The following TMEM117 variants were observed in gnomAD, a reference collection of about 807,000 sequenced individuals.
TMEM117 encodes the protein transmembrane protein 117.
A neutral mutation model predicts 52.4 loss-of-function variants in TMEM117; 27 were observed. The observed-to-expected ratio is 0.51, with a 90% CI of 0.38 to 0.71. The LOEUF is 0.71. TMEM117 is among the 30% of genes least tolerant of loss of function. The pLI is 0.00. For missense variants in TMEM117, 556 were observed against 630.5 expected (o/e 0.88, Z 1.26); for synonymous variants, 215 against 206.3 (o/e 1.04, Z -0.36).
At chr12:43,839,299 C>T (rs1319127756) in intron 1 of TMEM117, among the ~76,000 whole-genome samples, 1 of 152,166 alleles carries the variant, frequency 6.6e-6, no homozygotes, top group Non-Finnish European at 1.5e-5. Flanking sequence ...CCTCTGCTTC[C>T]TGTCCCACTC....
At chr12:44,344,718 A>T (rs1951461747) in intron 6 of TMEM117, among the ~76,000 whole-genome samples, 1 of 152,128 alleles carries the variant, frequency 6.6e-6, no homozygotes, top group South Asian at 2.1e-4. Flanking sequence ...CTCATCTGTC[A>T]GTAAACTGTT....
intron 5 of TMEM117, among the ~76,000 whole-genome samples, chr12:44,264,716 C>G (rs1365835506): frequency 6.6e-6 from 1 of 151,232 alleles, no homozygotes; most frequent in African/African-American, 2.4e-5. Context: ...ATAAAACCAA[C>G]AGAAAAAGAA....
intron 3 of TMEM117, among the ~76,000 whole-genome samples, chr12:44,113,752 A>G (rs1355466247): frequency 1.6e-4 from 4 of 24,934 alleles, no homozygotes; most frequent in Admixed American, 8.0e-4. Flanking sequence ...CGAGCTTCCC[A>G]GCTGCTTTGT....
intron 3 of TMEM117, among the ~76,000 whole-genome samples, chr12:44,088,117 A>C (rs1422873756): frequency 6.6e-6 from 1 of 152,208 alleles, no homozygotes; most frequent in African/African-American, 2.4e-5. Context: ...TTAAGAGTGA[A>C]AAAGTCAAAT....
At chr12:44,193,502 T>C (rs1949381574) in intron 4 of TMEM117, among the ~76,000 whole-genome samples, 1 of 152,150 alleles carries the variant, frequency 6.6e-6, no homozygotes, top group Admixed American at 6.6e-5. Flanking sequence ...TTTTCACTCA[T>C]GTGAAACAAA....
chr12:44,188,634 T>G (rs1440243242), intron 4 of TMEM117, among the ~76,000 whole-genome samples: 2 of 152,062 alleles, frequency 1.3e-5, no homozygotes, highest in Non-Finnish European at 2.9e-5. Context: ...CTGCTGTCCA[T>G]TTTGCTCAAA....
intron 2 of TMEM117, among the ~76,000 whole-genome samples, chr12:43,920,795 G>T (rs944319884): frequency 6.6e-6 from 1 of 151,996 alleles, no homozygotes; most frequent in Non-Finnish European, 1.5e-5. Context: ...TCCTGTAAAG[G>T]ATAATTCAGA....
upstream of TMEM117, among the ~76,000 whole-genome samples, chr12:43,831,034 A>C (rs889363375): frequency 9.9e-5 from 15 of 152,198 alleles, no homozygotes; most frequent in African/African-American, 3.4e-4. Flanking sequence ...ATATATCAGC[A>C]TGCATTGGGC....
chr12:43,859,206 A>G (rs915708216), intron 2 of TMEM117, among the ~76,000 whole-genome samples: 5 of 152,028 alleles, frequency 3.3e-5, no homozygotes, highest in East Asian at 3.9e-4. Flanking sequence ...TGCCATTACA[A>G]CTCCAGCGGA....
rs12304626 is a variant in TMEM117, at chr12:44,043,578, A to G, written c.410+99236A>G. The stretch of plus-strand genomic sequence containing the variant: ...TCAGCCTTTCCACTTTTGAGGAGAT[A>G]AACCTTGCACTGCCTGAGACAACAG... On this transcript the variant is annotated intron_variant, in intron 3 of 7. Transcript: ENST00000266534. 3.1e-3 allele frequency among the ~76,000 whole-genome samples: 470 copies of G among 152,242 alleles called. 3 individuals are homozygous for G. The highest frequency in any genetic ancestry group is 0.011 in the African/African-American group (445 of 41,528).
the TMEM117 span, chr12:43,804,613 A>G: frequency 1.5e-6 from 2 of 1,359,214 alleles, no homozygotes; most frequent in South Asian, 1.3e-5. Context: ...TTATACTTAC[A>G]TATAAATACT....
At chr12:44,335,685 G>T (rs932470228) in intron 6 of TMEM117, among the ~76,000 whole-genome samples, 2 of 152,000 alleles carry the variant, frequency 1.3e-5, no homozygotes, top group Admixed American at 6.6e-5. Context: ...GACATGTAGA[G>T]ATTTTTGTTG....
chr12:44,251,810 TA>T (rs1186438793), intron 5 of TMEM117, among the ~76,000 whole-genome samples: 2 of 152,122 alleles, frequency 1.3e-5, no homozygotes. Flanking sequence ...CACAAAGAAA[TA>T]AGCAACAAAC....
intron 3 of TMEM117, among the ~76,000 whole-genome samples, chr12:43,994,341 A>C (rs1332955858): frequency 5.3e-5 from 8 of 152,210 alleles, no homozygotes; most frequent in African/African-American, 1.9e-4. Context: ...ATATTTGGTG[A>C]CTATAGAATA....
At chr12:43,885,036 A>C (rs1417458781) in intron 2 of TMEM117, among the ~76,000 whole-genome samples, 1 of 152,056 alleles carries the variant, frequency 6.6e-6, no homozygotes, top group Non-Finnish European at 1.5e-5. Context: ...TTACTTACTA[A>C]TGTCTTGGTA....
chr12:43,800,388 T>C, the TMEM117 span: 1 of 1,436,946 alleles, frequency 7.0e-7, no homozygotes, highest in Non-Finnish European at 9.7e-7. Flanking sequence ...AGTTCCTCTT[T>C]AATCATTTTA....
At chr12:43,835,540 T>G (rs779469280), upstream of TMEM117, among the ~76,000 whole-genome samples, 3 of 152,048 alleles carry the variant, frequency 2.0e-5, no homozygotes, top group Non-Finnish European at 4.4e-5. Context: ...CTTCTCATAC[T>G]CCTCATGGGC....
chr12:43,797,832 A>G, the TMEM117 span: 5 of 1,611,346 alleles, frequency 3.1e-6, no homozygotes, highest in Admixed American at 8.4e-5. Flanking sequence ...GTCAGTCTGT[A>G]CCTAAGTATG....
At chr12:44,224,470 A>ATTT (rs565645026) in intron 5 of TMEM117, among the ~76,000 whole-genome samples, 242 of 147,548 alleles carry the variant, frequency 1.6e-3, no homozygotes, top group Non-Finnish European at 3.0e-3. Flanking sequence ...ATGAGTAATG[A>ATTT]TTTTTTTTTT....
Sources: allele counts gnomAD v4.1 joint callset (sites outside exome capture counted in the v4.1 genomes callset), GRCh38; gene constraint gnomAD v4.1.1; transcripts MANE v1.5; gene names NCBI Gene and HGNC (gene_info 2026-07-23, HGNC 2026-07-21).